The following THRB variants were observed in gnomAD, a reference collection of about 807,000 sequenced individuals.
THRB encodes nuclear receptor subfamily 1 group A member 2.
In THRB, 12 loss-of-function variants were observed where a neutral mutation model predicts 47.8. The observed-to-expected ratio is 0.25, with a 90% confidence interval of 0.16 to 0.41. The LOEUF is 0.41. Among genes scored for constraint, THRB ranks in the 10% least tolerant of loss-of-function variants. The probability of loss-of-function intolerance (pLI) is 1.00; values close to 1 mark genes in which losing one functional copy is unlikely to be tolerated. For missense variants in THRB, 348 were observed against 589.2 expected (o/e 0.59, Z 4.24); for synonymous variants, 218 against 212.2 (o/e 1.03, Z -0.24).
intron 3 of THRB, among the ~76,000 whole-genome samples, chr3:24,231,623 A>G (rs2048273517): frequency 6.6e-6 from 1 of 152,142 alleles, no homozygotes; most frequent in African/African-American, 2.4e-5. Flanking sequence ...AGTATTTAGT[A>G]CAATTTTCCT....
chr3:24,250,459 G>C (rs1488132591), intron 3 of THRB, among the ~76,000 whole-genome samples: 1 of 152,168 alleles, frequency 6.6e-6, no homozygotes, highest in Non-Finnish European at 1.5e-5. Flanking sequence ...CACTTTGGGA[G>C]GCTGAGGCAG....
At chr3:24,460,960 T>C (rs186340972) in intron 1 of THRB, among the ~76,000 whole-genome samples, 11 of 152,300 alleles carry the variant, frequency 7.2e-5, no homozygotes, top group Admixed American at 5.9e-4. Context: ...CCCAGAAGTA[T>C]AAGAGCCTCA....
intron 1 of THRB, among the ~76,000 whole-genome samples, chr3:24,355,951 G>A (rs967853066): frequency 9.9e-5 from 15 of 152,128 alleles, no homozygotes; most frequent in African/African-American, 3.4e-4. Flanking sequence ...CTAAAGTCCA[G>A]AGTCTCATCT....
chr3:24,182,550 G>A (rs894602123), intron 5 of THRB, among the ~76,000 whole-genome samples: 1 of 152,276 alleles, frequency 6.6e-6, no homozygotes, highest in Non-Finnish European at 1.5e-5. Flanking sequence ...TTATTCTGAC[G>A]TGGGCATTCT....
chr3:24,251,469 G>T (rs2050663471), intron 3 of THRB, among the ~76,000 whole-genome samples: 1 of 151,986 alleles, frequency 6.6e-6, no homozygotes, highest in African/African-American at 2.4e-5. Flanking sequence ...GAAAAAAAGG[G>T]AGAAATAACA....
At chr3:24,413,354 T>A (rs1468983898) in intron 1 of THRB, among the ~76,000 whole-genome samples, 1 of 151,810 alleles carries the variant, frequency 6.6e-6, no homozygotes, top group Non-Finnish European at 1.5e-5. Context: ...CCCAAAAATA[T>A]GTCCACATTC....
intron 1 of THRB, among the ~76,000 whole-genome samples, chr3:24,466,207 A>C (rs985324852): frequency 6.6e-6 from 1 of 151,810 alleles, no homozygotes; most frequent in Non-Finnish European, 1.5e-5. Flanking sequence ...TCTCTTATTA[A>C]GATGTACTGC....
chr3:24,244,880 C>T (rs755695301), intron 3 of THRB, among the ~76,000 whole-genome samples: 1 of 152,246 alleles, frequency 6.6e-6, no homozygotes, highest in Non-Finnish European at 1.5e-5. Context: ...GAAGACCATT[C>T]TCCCTCTTCT....
intron 1 of THRB, among the ~76,000 whole-genome samples, chr3:24,412,624 G>A (rs1452052669): frequency 6.6e-6 from 1 of 151,778 alleles, no homozygotes. Context: ...TCAAGTGGGA[G>A]AAATACAAAG....
intron 4 of THRB, among the ~76,000 whole-genome samples, chr3:24,215,836 T>G (rs1007370747): frequency 4.6e-5 from 7 of 152,188 alleles, no homozygotes; most frequent in Non-Finnish European, 7.3e-5. Flanking sequence ...TGTCTTTCTC[T>G]TGCCTCTGTT....
intron 3 of THRB, among the ~76,000 whole-genome samples, chr3:24,257,757 C>T (rs1197935750): frequency 6.6e-6 from 1 of 152,230 alleles, no homozygotes; most frequent in Non-Finnish European, 1.5e-5. Context: ...TTATATAATG[C>T]ATTCAACACA....
intron 4 of THRB, among the ~76,000 whole-genome samples, chr3:24,227,424 A>T (rs1034000940): frequency 1.3e-5 from 2 of 152,136 alleles, no homozygotes; most frequent in Non-Finnish European, 2.9e-5. Flanking sequence ...GGAGAATTTG[A>T]CCTAGTTGGC....
At chr3:24,353,758 T>C (rs1015244919) in intron 1 of THRB, among the ~76,000 whole-genome samples, 26 of 152,276 alleles carry the variant, frequency 1.7e-4, no homozygotes, top group African/African-American at 5.8e-4. Context: ...ATAAGCCCCT[T>C]AATTTTAAAA....
intron 3 of THRB, among the ~76,000 whole-genome samples, chr3:24,247,868 C>T (rs1372202745): frequency 2.0e-5 from 3 of 152,068 alleles, no homozygotes; most frequent in Non-Finnish European, 4.4e-5. Flanking sequence ...GATATATATA[C>T]TTCAAAAATA....
At chr3:24,249,829 T>C (rs1236103260) in intron 3 of THRB, among the ~76,000 whole-genome samples, 3 of 152,218 alleles carry the variant, frequency 2.0e-5, no homozygotes, top group Non-Finnish European at 4.4e-5. Flanking sequence ...TTTCATATTT[T>C]GCTACTTCAC....
intron 1 of THRB, among the ~76,000 whole-genome samples, chr3:24,452,307 C>T (rs545034373): frequency 6.6e-6 from 1 of 152,122 alleles, no homozygotes; most frequent in African/African-American, 2.4e-5. Flanking sequence ...TTTGGCACCC[C>T]CTTCCGTTTG....
intron 1 of THRB, among the ~76,000 whole-genome samples, chr3:24,425,676 T>A (rs1331640251): frequency 6.6e-6 from 1 of 151,932 alleles, no homozygotes; most frequent in Non-Finnish European, 1.5e-5. Context: ...CAAAATTTAG[T>A]CCTTCTCTGA....
chr3:24,436,314 A>T (rs561058674), intron 1 of THRB, among the ~76,000 whole-genome samples: 1 of 152,088 alleles, frequency 6.6e-6, no homozygotes, highest in Non-Finnish European at 1.5e-5. Flanking sequence ...GGAACATAAG[A>T]ACTACATACA....
chr3:24,285,272 G>A (rs1055009689), intron 3 of THRB, among the ~76,000 whole-genome samples: 5 of 151,982 alleles, frequency 3.3e-5, no homozygotes, highest in African/African-American at 1.2e-4. Context: ...ATGAGTTCAT[G>A]TCCTTTGTAG....
Sources: gnomAD v4.1 joint callset for allele counts (sites outside exome capture counted in the v4.1 genomes callset) on GRCh38, gnomAD v4.1.1 for gene constraint, MANE v1.5 for transcripts, NCBI Gene and HGNC (gene_info 2026-07-23, HGNC 2026-07-21) for gene names.